Variants in MECOM observed in about 807,000 individuals in gnomAD.
MECOM encodes histone-lysine N-methyltransferase MECOM.
MECOM carries 13 observed loss-of-function variants against 116.3 expected under a neutral mutation model. The ratio of observed to expected loss-of-function variants is 0.11; its 90% confidence interval spans 0.07 to 0.18. MECOM has a LOEUF of 0.18. Ranked by LOEUF, MECOM falls within the 10% of genes least tolerant of loss-of-function variation. The probability of loss-of-function intolerance (pLI) is 1.00; values close to 1 mark genes in which losing one functional copy is unlikely to be tolerated. For synonymous variants in MECOM, 528 were observed against 535.2 expected (o/e 0.99, Z 0.19); for missense variants, 1,299 against 1,509.0 (o/e 0.86, Z 2.31).
intron 1 of MECOM, among the ~76,000 whole-genome samples, chr3:169,424,341 A>G (rs1199145264): frequency 2.0e-5 from 3 of 152,150 alleles, no homozygotes; most frequent in Admixed American, 6.6e-5. Flanking sequence ...TAAACCCTGC[A>G]ACTGATTTTA....
At chr3:169,246,424 C>T (rs116189803) in intron 2 of MECOM, among the ~76,000 whole-genome samples, 289 of 152,050 alleles carry the variant, frequency 1.9e-3, no homozygotes, top group African/African-American at 6.8e-3. Flanking sequence ...TGCTAAGATG[C>T]AGTACACAAG....
intron 1 of MECOM, among the ~76,000 whole-genome samples, chr3:169,413,929 A>G (rs1209617215): frequency 6.6e-6 from 1 of 152,196 alleles, no homozygotes; most frequent in Non-Finnish European, 1.5e-5. Context: ...TGGAACAGAG[A>G]ACCTGGGGGA....
At chr3:169,662,043 T>G (rs1230874278) in intron 1 of MECOM, among the ~76,000 whole-genome samples, 1 of 152,036 alleles carries the variant, frequency 6.6e-6, no homozygotes, top group Non-Finnish European at 1.5e-5. Context: ...GTAGAAGCAT[T>G]TGGACAAACG....
intron 1 of MECOM, among the ~76,000 whole-genome samples, chr3:169,583,585 A>G (rs1440754357): frequency 6.6e-6 from 1 of 152,152 alleles, no homozygotes; most frequent in Non-Finnish European, 1.5e-5. Context: ...CTACTTCTAA[A>G]AAAGCACAAA....
intron 1 of MECOM, among the ~76,000 whole-genome samples, chr3:169,609,070 A>G (rs1432458496): frequency 4.6e-5 from 7 of 152,186 alleles, no homozygotes; most frequent in Admixed American, 4.6e-4. Flanking sequence ...GACCTTATCG[A>G]CACAGGAATC....
chr3:169,382,671 A>G (rs1273029544), intron 1 of MECOM, among the ~76,000 whole-genome samples: 1 of 151,858 alleles, frequency 6.6e-6, no homozygotes, highest in Non-Finnish European at 1.5e-5. Flanking sequence ...ACAGACTTCG[A>G]TCGAGCTAGT....
intron 1 of MECOM, among the ~76,000 whole-genome samples, chr3:169,413,771 G>A (rs1434283682): frequency 1.3e-5 from 2 of 152,172 alleles, no homozygotes; most frequent in African/African-American, 2.4e-5. Flanking sequence ...AAGCCACCAG[G>A]AGGTTTCGAT....
chr3:169,653,591 A>G (rs532488508), intron 1 of MECOM, among the ~76,000 whole-genome samples: 1 of 151,534 alleles, frequency 6.6e-6, no homozygotes, highest in Non-Finnish European at 1.5e-5. Flanking sequence ...CAAAATTTGG[A>G]TGGTAGAAAC....
intron 11 of MECOM, among the ~76,000 whole-genome samples, chr3:169,101,702 A>G (rs1351116300): frequency 6.6e-6 from 1 of 152,164 alleles, no homozygotes; most frequent in Non-Finnish European, 1.5e-5. Context: ...TTATTCTTTA[A>G]TGCCATGACA....
At chr3:169,375,093 A>G (rs1730789812) in intron 2 of MECOM, among the ~76,000 whole-genome samples, 1 of 152,010 alleles carries the variant, frequency 6.6e-6, no homozygotes, top group African/African-American at 2.4e-5. Flanking sequence ...AGCAAACTTG[A>G]GGAATGAATA....
At chr3:169,143,049 T>C (rs1041612428) in intron 3 of MECOM, among the ~76,000 whole-genome samples, 30 of 152,076 alleles carry the variant, frequency 2.0e-4, no homozygotes, top group Admixed American at 1.6e-3. Flanking sequence ...GTGTAAAATA[T>C]GTTTCACGAT....
At chr3:169,424,610 T>C (rs1740331056) in intron 1 of MECOM, among the ~76,000 whole-genome samples, 1 of 152,132 alleles carries the variant, frequency 6.6e-6, no homozygotes, top group South Asian at 2.1e-4. Context: ...GTTTTCTCCA[T>C]AAACAGAGCA....
At chr3:169,394,482 G>A (rs1577967665) in intron 1 of MECOM, among the ~76,000 whole-genome samples, 1 of 152,156 alleles carries the variant, frequency 6.6e-6, no homozygotes, top group South Asian at 2.1e-4. Context: ...TAGTTGTGAT[G>A]AAGGCAGATA....
chr3:169,494,994 GC>G (rs1438663749), intron 1 of MECOM, among the ~76,000 whole-genome samples: 1 of 152,144 alleles, frequency 6.6e-6, no homozygotes, highest in African/African-American at 2.4e-5. Flanking sequence ...CCTGTTGTAG[GC>G]TAGATCCTTT....
intron 1 of MECOM, among the ~76,000 whole-genome samples, chr3:169,532,337 T>G (rs1758752386): frequency 2.0e-5 from 3 of 152,164 alleles, no homozygotes; most frequent in Admixed American, 1.3e-4. Context: ...GACAAAGGTG[T>G]CATGCAGACA....
intron 9 of MECOM, among the ~76,000 whole-genome samples, chr3:169,108,366 A>T (rs879379326): frequency 1.5e-4 from 23 of 152,248 alleles, no homozygotes; most frequent in Non-Finnish European, 2.9e-4. Flanking sequence ...ATATTTACTC[A>T]AATATGAATC....
At chr3:169,194,246 T>C (rs1361038362) in intron 2 of MECOM, among the ~76,000 whole-genome samples, 2 of 151,944 alleles carry the variant, frequency 1.3e-5, no homozygotes, top group African/African-American at 2.4e-5. Flanking sequence ...TTCTCACTCA[T>C]AGGTGGGAAT....
rs76651740 is a variant in MECOM at position 169,354,077 on chromosome 3, C to T, written c.375+27110G>A. Among the ~76,000 whole-genome samples, 1,395 of 151,728 alleles carry T rather than the reference C, an allele frequency of 9.2e-3. 23 individuals are homozygous for T. The highest frequency in any genetic ancestry group is 0.032 in the African/African-American group (1,339 of 41,434). Reference sequence around the variant, plus strand: ...CCTGCTTATAGTTATTACATAACAACGTGAGTTATAAAGTCCTGAAGATTT... The same window carrying T: ...CCTGCTTATAGTTATTACATAACAATGTGAGTTATAAAGTCCTGAAGATTT... On this transcript the variant is annotated intron_variant, in intron 2 of 16. Transcript: ENST00000651503.
chr3:169,290,887 T>C (rs1714415708), intron 2 of MECOM, among the ~76,000 whole-genome samples: 1 of 152,180 alleles, frequency 6.6e-6, no homozygotes, highest in African/African-American at 2.4e-5. Flanking sequence ...TTTTCATGTT[T>C]CATTCTCATG....
Sources: allele counts gnomAD v4.1 joint callset (sites outside exome capture counted in the v4.1 genomes callset), GRCh38; gene constraint gnomAD v4.1.1; transcripts MANE v1.5; gene names NCBI Gene and HGNC (gene_info 2026-07-23, HGNC 2026-07-21).